Variants in AOPEP observed in about 807,000 individuals in gnomAD.
AOPEP encodes aminopeptidase O (putative).
Under a neutral mutation model 98.1 loss-of-function variants are expected in AOPEP, and 77 were observed. That is an observed-to-expected ratio of 0.78 (90% CI 0.65 to 0.95). AOPEP has a LOEUF of 0.95. Among genes scored for constraint, AOPEP ranks in the 40% least tolerant of loss-of-function variants. The pLI is 0.00. For missense variants in AOPEP, 1,024 were observed against 1,024.7 expected, an observed-to-expected ratio of 1.00 and a Z score of 0.01; for synonymous variants, 346 against 365.3, an observed-to-expected ratio of 0.95 and a Z score of 0.60.
intron 11 of AOPEP, among the ~76,000 whole-genome samples, chr9:94,992,349 TTGGG>T (rs2060944939): frequency 6.6e-6 from 1 of 152,248 alleles, no homozygotes; most frequent in South Asian, 2.1e-4. Flanking sequence ...GTCCTCCAGC[TTGGG>T]CCTTTACGAC....
At chr9:94,757,870 T>G (rs1267229130) in intron 1 of AOPEP, among the ~76,000 whole-genome samples, 1 of 152,206 alleles carries the variant, frequency 6.6e-6, no homozygotes, top group Non-Finnish European at 1.5e-5. Flanking sequence ...TTAAGATCAC[T>G]GTTTCTGATT....
chr9:94,743,190 A>AGAAGAAGAG (rs1564051669), intron 1 of AOPEP, among the ~76,000 whole-genome samples: 7 of 119,480 alleles, frequency 5.9e-5, no homozygotes, highest in Non-Finnish European at 1.2e-4. Flanking sequence ...AAGAAGAAGA[A>AGAAGAAGAG]GAAGAAGAAG....
chr9:94,799,045 A>G (rs1847651049), intron 4 of AOPEP, among the ~76,000 whole-genome samples: 1 of 152,202 alleles, frequency 6.6e-6, no homozygotes, highest in African/African-American at 2.4e-5. Flanking sequence ...GTTGTGGTGA[A>G]ATGCCTTCAG....
At chr9:94,774,659 GT>G (rs1271940429) in intron 3 of AOPEP, among the ~76,000 whole-genome samples, 1 of 152,000 alleles carries the variant, frequency 6.6e-6, no homozygotes. Context: ...GATTATTTCA[GT>G]TTTTTTCCTG....
intron 1 of AOPEP, among the ~76,000 whole-genome samples, chr9:94,755,827 C>T (rs1476211215): frequency 6.6e-6 from 1 of 152,232 alleles, no homozygotes; most frequent in East Asian, 1.9e-4. Context: ...ATTACTTTGC[C>T]TCTCTGGGAC....
At chr9:94,981,008 T>C (rs1278887480) in intron 11 of AOPEP, among the ~76,000 whole-genome samples, 1 of 152,122 alleles carries the variant, frequency 6.6e-6, no homozygotes, top group Non-Finnish European at 1.5e-5. Context: ...AGCTGGGAGC[T>C]CCAGTAACTG....
the AOPEP span, among the ~76,000 whole-genome samples, chr9:95,134,716 C>T: frequency 2.0e-5 from 3 of 152,192 alleles, no homozygotes; most frequent in Middle Eastern, 3.2e-3. Flanking sequence ...ATATGACTGG[C>T]GAGTCAGTGG....
chr9:94,831,990 T>A (rs1588444445), intron 5 of AOPEP, among the ~76,000 whole-genome samples: 1 of 151,998 alleles, frequency 6.6e-6, no homozygotes, highest in African/African-American at 2.4e-5. Context: ...GGGGAAAAGG[T>A]GATGATCATT....
intron 13 of AOPEP, among the ~76,000 whole-genome samples, chr9:95,020,859 A>G (rs2063392142): frequency 1.4e-5 from 2 of 140,052 alleles, no homozygotes; most frequent in Admixed American, 1.6e-4. Context: ...TGGAGGTTGC[A>G]GTTAAGCCGA....
intron 5 of AOPEP, among the ~76,000 whole-genome samples, chr9:94,854,125 A>G (rs901919426): frequency 1.2e-4 from 18 of 152,222 alleles, no homozygotes; most frequent in Admixed American, 2.0e-4. Context: ...CCAGTAAGAA[A>G]GGACAAAAAG....
chr9:94,786,123 G>C (rs957824557), intron 3 of AOPEP, among the ~76,000 whole-genome samples: 5 of 152,172 alleles, frequency 3.3e-5, no homozygotes, highest in African/African-American at 1.2e-4. Context: ...AGAGCTTGCA[G>C]ATGAAGACTA....
chr9:94,895,414 GA>G (rs5899235), intron 5 of AOPEP, among the ~76,000 whole-genome samples: 3,550 of 57,496 alleles, frequency 0.062, 60 homozygotes, highest in South Asian at 0.13. Flanking sequence ...ACACAAAAAG[GA>G]AAAAAAAAAA....
intron 5 of AOPEP, among the ~76,000 whole-genome samples, chr9:94,871,935 G>A (rs1312433507): frequency 6.6e-6 from 1 of 152,126 alleles, no homozygotes; most frequent in Non-Finnish European, 1.5e-5. Flanking sequence ...TGAGCTTGGG[G>A]AGGTCGAAGC....
intron 14 of AOPEP, among the ~76,000 whole-genome samples, chr9:95,066,508 T>G (rs982899419): frequency 6.6e-6 from 1 of 152,188 alleles, no homozygotes; most frequent in Non-Finnish European, 1.5e-5. Flanking sequence ...GCTTAGCATT[T>G]ATCTGTTTAA....
chr9:94,909,825 G>A (rs1048624211), intron 5 of AOPEP, among the ~76,000 whole-genome samples: 24 of 152,242 alleles, frequency 1.6e-4, no homozygotes, highest in African/African-American at 5.5e-4. Context: ...AGACTTAAAC[G>A]GCTGTCATGA....
intron 5 of AOPEP, among the ~76,000 whole-genome samples, chr9:94,875,210 C>T (rs2046774069): frequency 6.6e-6 from 1 of 151,804 alleles, no homozygotes; most frequent in African/African-American, 2.4e-5. Flanking sequence ...TTTTTCAACC[C>T]AGGGTCCATG....
At chr9:94,892,105 A>AT (rs1564333293) in intron 5 of AOPEP, among the ~76,000 whole-genome samples, 2 of 151,906 alleles carry the variant, frequency 1.3e-5, no homozygotes, top group East Asian at 1.9e-4. Context: ...TGTTTTCAAG[A>AT]TTTTTTTTCT....
intron 5 of AOPEP, among the ~76,000 whole-genome samples, chr9:94,920,745 G>A (rs2053495422): frequency 6.6e-6 from 1 of 152,190 alleles, no homozygotes; most frequent in African/African-American, 2.4e-5. Context: ...ATCTGGGTGG[G>A]TAGGTAGTGT....
chr9:95,123,465 C>T, the AOPEP span: 6 of 461,726 alleles, frequency 1.3e-5, no homozygotes, highest in African/African-American at 4.0e-5. Context: ...CATGGTGAAA[C>T]CCCATCTCTA....
Sources: gnomAD v4.1 joint callset for allele counts (sites outside exome capture counted in the v4.1 genomes callset) on GRCh38, gnomAD v4.1.1 for gene constraint, MANE v1.5 for transcripts, NCBI Gene and HGNC (gene_info 2026-07-23, HGNC 2026-07-21) for gene names.